IPPK: variants seen among roughly 807,000 people sequenced by gnomAD.
The protein encoded by IPPK is inositol-pentakisphosphate 2-kinase, also known as IPK1 homolog.
Under a neutral mutation model 64.6 loss-of-function variants are expected in IPPK, and 22 were observed. The ratio of observed to expected loss-of-function variants is 0.34; its 90% confidence interval spans 0.24 to 0.49. The LOEUF is 0.49. IPPK is among the 20% of genes least tolerant of loss of function. The probability of loss-of-function intolerance (pLI) is 0.99; values close to 1 mark genes in which losing one functional copy is unlikely to be tolerated. For missense variants in IPPK, 532 were observed against 630.7 expected (o/e 0.84, Z 1.68); for synonymous variants, 262 against 247.2 (o/e 1.06, Z -0.56).
intron 2 of IPPK, among the ~76,000 whole-genome samples, chr9:92,656,769 G>C (rs1852382069): frequency 1.3e-5 from 2 of 152,168 alleles, no homozygotes; most frequent in Non-Finnish European, 2.9e-5. Flanking sequence ...CCTCGGCCCA[G>C]AGACTTGGGA....
chr9:92,613,693 C>G lies in IPPK; in HGVS notation c.*2139G>C, dbSNP rs937244182. The G allele has an allele frequency of 6.4e-6, 1 of 157,108 alleles. No individual in the cohort carries two copies. The highest frequency in any genetic ancestry group is 1.4e-5 in the Non-Finnish European group (1 of 70,722). The allele number at this position is 157,108 out of a possible 1,614,324, so 9.7% of individuals were successfully genotyped here. ...TCCTCATGCTGTTCTTGGTCTTCCA[C>G]AAGAAAGTGAAGCTGTCAGCTTAAT... On this transcript the variant is annotated 3_prime_UTR_variant, in exon 13 of 13. Coordinates refer to ENST00000287996, the MANE Select transcript of IPPK (RefSeq NM_022755.6).
chr9:92,657,155 G>C (rs1275475187), intron 2 of IPPK, among the ~76,000 whole-genome samples: 1 of 152,164 alleles, frequency 6.6e-6, no homozygotes, highest in Non-Finnish European at 1.5e-5. Context: ...TTCAAGACCA[G>C]CCTGGTCAAC....
At chr9:92,625,157 G>A (rs1851712070) in intron 11 of IPPK, among the ~76,000 whole-genome samples, 1 of 152,126 alleles carries the variant, frequency 6.6e-6, no homozygotes, top group Non-Finnish European at 1.5e-5. Flanking sequence ...ATTTTTTTCT[G>A]TGTACCTTTC....
At chr9:92,669,174 C>T in intron 1 of IPPK, among the ~76,000 whole-genome samples, 1 of 152,052 alleles carries the variant, frequency 6.6e-6, no homozygotes, top group East Asian at 1.9e-4. Context: ...TCCCTCACCC[C>T]CCTCCCCCGT....
chr9:92,635,336 A>G lies in IPPK; in HGVS notation c.917-28T>C. 5 of 1,598,996 alleles carry G rather than the reference A, an allele frequency of 3.1e-6. No individual in the cohort carries two copies. Among genetic ancestry groups the G allele is most frequent in the Non-Finnish European group, 4.3e-6 (5 of 1,172,612 alleles). On this transcript the variant is annotated intron_variant, in intron 9 of 12. Transcript: ENST00000287996. This position sits in a 1 kb window ranked among gnomAD's most constrained non-coding sequence, Gnocchi z 4.4. ...ACCGAGAACATCAGGGGAAAACGAG[A>G]GCATGTTGATTATCAAAGAACGTGG... is the stretch of plus-strand genomic sequence containing the variant.
At chr9:92,621,779 A>C (rs1362207241) in intron 11 of IPPK, among the ~76,000 whole-genome samples, 1 of 152,130 alleles carries the variant, frequency 6.6e-6, no homozygotes, top group African/African-American at 2.4e-5. Context: ...GGCCTCCCAA[A>C]GTGTTGGGAT....
intron 11 of IPPK, among the ~76,000 whole-genome samples, chr9:92,626,128 T>G (rs1256910861): frequency 2.0e-5 from 3 of 152,154 alleles, no homozygotes; most frequent in African/African-American, 7.2e-5. Context: ...CCAGGTGTGG[T>G]AGCTCACGCC....
At chr9:92,630,045 AC>A (rs1168462954) in intron 11 of IPPK, among the ~76,000 whole-genome samples, 1 of 152,174 alleles carries the variant, frequency 6.6e-6, no homozygotes. Context: ...TAGGCATATT[AC>A]CCCAGAAAAG....
chr9:92,664,264 C>T (rs535287482), intron 1 of IPPK, among the ~76,000 whole-genome samples: 1 of 152,370 alleles, frequency 6.6e-6, no homozygotes, highest in South Asian at 2.1e-4. Context: ...AGCTTCGCTT[C>T]ACTGGGAATG....
intron 1 of IPPK, among the ~76,000 whole-genome samples, chr9:92,665,363 C>G (rs182701740): frequency 3.3e-5 from 5 of 152,242 alleles, no homozygotes; most frequent in Non-Finnish European, 7.3e-5. Flanking sequence ...GCCCAGTTAA[C>G]AGTCCTGCAG....
chr9:92,642,567 G>C (rs1187897908), intron 7 of IPPK, among the ~76,000 whole-genome samples, 185 bp downstream of exon 7: 1 of 152,222 alleles, frequency 6.6e-6, no homozygotes, highest in Non-Finnish European at 1.5e-5. Flanking sequence ...TGAGCACAGA[G>C]ACAAGGCACG....
intron 1 of IPPK, among the ~76,000 whole-genome samples, chr9:92,666,488 CTG>C (rs1175150325): frequency 6.6e-6 from 1 of 152,196 alleles, no homozygotes; most frequent in Non-Finnish European, 1.5e-5. Flanking sequence ...AGCGAGGAAA[CTG>C]TGCCCAGATG....
intron 11 of IPPK, among the ~76,000 whole-genome samples, chr9:92,622,450 C>T (rs545016987): frequency 1.7e-3 from 253 of 152,144 alleles, no homozygotes; most frequent in Admixed American, 1.9e-3. Context: ...TTGATGTATG[C>T]AAAGTCAAAA....
At chr9:92,633,620 C>A (rs1388208593) in intron 11 of IPPK, among the ~76,000 whole-genome samples, 1 of 152,208 alleles carries the variant, frequency 6.6e-6, no homozygotes, top group Non-Finnish European at 1.5e-5. Context: ...CCCACCTCAG[C>A]CTCCCAAAGT....
chr9:92,649,207 G>T (rs1368622802), intron 5 of IPPK, among the ~76,000 whole-genome samples: 1 of 152,208 alleles, frequency 6.6e-6, no homozygotes, highest in East Asian at 1.9e-4. Context: ...AGGCATGCAG[G>T]GTGGGTGGGG....
intron 11 of IPPK, among the ~76,000 whole-genome samples, chr9:92,622,160 GAA>G (rs916411399): frequency 6.6e-6 from 1 of 152,018 alleles, no homozygotes; most frequent in African/African-American, 2.4e-5. Flanking sequence ...AATAAATCAG[GAA>G]AAGAAGGGAA....
chr9:92,628,879 CA>C (rs140414911), intron 11 of IPPK, among the ~76,000 whole-genome samples: 5 of 138,614 alleles, frequency 3.6e-5, no homozygotes, highest in East Asian at 2.1e-4. Context: ...GACTCTGTCT[CA>C]AAAAAAAAAC....
chr9:92,658,236 AAC>A lies in IPPK; in HGVS notation c.129+396_129+397del, dbSNP rs552553597. ...ACGACCCCCTCCCACCACAATGTTT[AAC>A]ACAGACTGTCTACCACCACACTGGA... On this transcript the variant is annotated intron_variant, in intron 2 of 12. Transcript: ENST00000287996. Among the ~76,000 whole-genome samples, 8 of 152,366 alleles carry A rather than the reference AAC, an allele frequency of 5.3e-5. No homozygotes were observed. In the South Asian group the frequency reaches 1.7e-3, roughly 32 times the overall value.
At chr9:92,656,674 C>T in intron 2 of IPPK, 123 bp from the exon 3 acceptor site, 2 of 669,462 alleles carry the variant, frequency 3.0e-6, no homozygotes, top group African/African-American at 1.8e-5. Flanking sequence ...CAGCCACAGA[C>T]AGAACCCGGG....
Sources: gnomAD v4.1 joint callset for allele counts (sites outside exome capture counted in the v4.1 genomes callset) on GRCh38, gnomAD v4.1.1 for gene constraint, Gnocchi (gnomAD v3.1) non-coding constraint, MANE v1.5 for transcripts, NCBI Gene and HGNC (gene_info 2026-07-23, HGNC 2026-07-21) for gene names.